EPB41L1: variants seen among roughly 807,000 people sequenced by gnomAD.
EPB41L1 encodes the protein band 4.1-like protein 1.
A neutral mutation model predicts 97.8 loss-of-function variants in EPB41L1; 29 were observed. That is an observed-to-expected ratio of 0.30 (90% CI 0.22 to 0.40). The LOEUF (loss-of-function observed/expected upper bound fraction) is 0.40. EPB41L1 is among the 10% of genes least tolerant of loss of function. EPB41L1 has a pLI of 1.00. For missense variants in EPB41L1, 812 were observed against 1,162.3 expected, an observed-to-expected ratio of 0.70 and a Z score of 4.38; for synonymous variants, 383 against 459.2, an observed-to-expected ratio of 0.83 and a Z score of 2.12.
rs563718474 is a variant in EPB41L1 at position 36,185,808 on chromosome 20, G to A, written c.785+473G>A. 7.9e-5 allele frequency among the ~76,000 whole-genome samples: 12 copies of A among 152,254 alleles called. No individual in the cohort carries two copies. The South Asian group carries it at 2.3e-3, about 29-fold the overall frequency. On this transcript the variant is annotated intron_variant, in intron 7 of 21. Coordinates refer to ENST00000338074, the MANE Select transcript of EPB41L1 (RefSeq NM_012156.2). ...TTGGTTTCCTCATCTGTTCAAGGTGGATGCTGTTAAACCCACCCTGTAGGA... is the reference window on the plus strand; with the variant it reads ...TTGGTTTCCTCATCTGTTCAAGGTGAATGCTGTTAAACCCACCCTGTAGGA...
At chr20:36,138,007 T>G (rs554310326) in intron 2 of EPB41L1, among the ~76,000 whole-genome samples, 13 of 152,380 alleles carry the variant, frequency 8.5e-5, no homozygotes, top group Middle Eastern at 3.4e-3. Flanking sequence ...CTTAGTATAA[T>G]GTCCTCAAGT....
intron 1 of EPB41L1, among the ~76,000 whole-genome samples, chr20:36,107,808 G>A (rs1228715652): frequency 1.3e-5 from 2 of 150,804 alleles, no homozygotes; most frequent in African/African-American, 2.5e-5. Flanking sequence ...TAGCCTGGGC[G>A]ACAGAGTGAG....
intron 21 of EPB41L1, among the ~76,000 whole-genome samples, chr20:36,228,171 T>C (rs2064289712): frequency 6.6e-6 from 1 of 152,140 alleles, no homozygotes; most frequent in African/African-American, 2.4e-5. Context: ...TGGTTTTGAG[T>C]AGTTGCTATG....
At chr20:36,158,832 C>T (rs1385916391) in intron 1 of EPB41L1, among the ~76,000 whole-genome samples, 1 of 152,222 alleles carries the variant, frequency 6.6e-6, no homozygotes, top group Non-Finnish European at 1.5e-5. Flanking sequence ...CATTACTTCT[C>T]TCCCGCTTCT....
chr20:36,211,608 C>A (rs752614522), intron 15 of EPB41L1, among the ~76,000 whole-genome samples: 52 of 151,926 alleles, frequency 3.4e-4, no homozygotes, highest in Non-Finnish European at 6.9e-4. Flanking sequence ...AATCCCAGCA[C>A]TTTGGGAGGC....
At chr20:36,140,264 T>G (rs1337415971) in intron 2 of EPB41L1, among the ~76,000 whole-genome samples, 1 of 146,576 alleles carries the variant, frequency 6.8e-6, no homozygotes, top group African/African-American at 2.5e-5. Context: ...AGGGATGAGG[T>G]TTCGCCATGT....
chr20:36,123,112 G>T (rs2058813750), intron 2 of EPB41L1, among the ~76,000 whole-genome samples: 1 of 151,870 alleles, frequency 6.6e-6, no homozygotes, highest in Non-Finnish European at 1.5e-5. Context: ...CCCCTCCCAT[G>T]CTCCACTTAC....
upstream of EPB41L1, among the ~76,000 whole-genome samples, chr20:36,153,475 T>C (rs1168758602): frequency 6.6e-6 from 1 of 152,050 alleles, no homozygotes; most frequent in Non-Finnish European, 1.5e-5. Flanking sequence ...CAGCACATGG[T>C]AGGTACTTAG....
chr20:36,154,607 C>A (rs1449902759), upstream of EPB41L1: 9 of 848,422 alleles, frequency 1.1e-5, no homozygotes, highest in Non-Finnish European at 9.8e-6. This position sits in a 1 kb window ranked among gnomAD's most constrained non-coding sequence, Gnocchi z 5.5. Context: ...AAGCGGCGGC[C>A]GCCCCTGGGC....
intron 5 of EPB41L1, among the ~76,000 whole-genome samples, chr20:36,178,998 C>T (rs2061367419): frequency 1.3e-5 from 2 of 151,460 alleles, no homozygotes; most frequent in African/African-American, 4.9e-5. Flanking sequence ...TCTCTTGGAC[C>T]TGGGAGGCAG....
chr20:36,124,112 G>A lies in EPB41L1; in HGVS notation c.-10+11632G>A, dbSNP rs987623538. 8.8e-4 allele frequency among the ~76,000 whole-genome samples: 134 copies of A among 152,012 alleles called. 2 individuals carry two copies. Among genetic ancestry groups the A allele is most frequent in the Non-Finnish European group, 3.1e-4 (21 of 67,988 alleles). ...AAATACAAAAAAAAAGAAATTAGCC[G>A]GGTGTGGTGGTGGGCGCCTGTAGTC... On this transcript the variant is annotated intron_variant, in intron 2 of 19. Transcript: ENST00000202028.
intron 1 of EPB41L1, among the ~76,000 whole-genome samples, chr20:36,164,956 G>C (rs1266565964): frequency 1.3e-5 from 2 of 152,066 alleles, no homozygotes; most frequent in African/African-American, 4.8e-5. Flanking sequence ...AAAATGCTGG[G>C]ATTACAGGTG....
intron 2 of EPB41L1, among the ~76,000 whole-genome samples, chr20:36,128,165 T>G (rs2059047769): frequency 6.6e-6 from 1 of 152,110 alleles, no homozygotes; most frequent in Non-Finnish European, 1.5e-5. Context: ...GGAGGGTGGC[T>G]CAGTTGCAGT....
intron 1 of EPB41L1, among the ~76,000 whole-genome samples, chr20:36,100,186 T>C (rs1038840848): frequency 2.6e-5 from 4 of 152,244 alleles, no homozygotes; most frequent in African/African-American, 9.6e-5. Flanking sequence ...GGGCTTATAC[T>C]GTCCTGGTAG....
intron 1 of EPB41L1, among the ~76,000 whole-genome samples, chr20:36,097,338 T>A (rs1037129605): frequency 5.3e-5 from 8 of 152,210 alleles, no homozygotes; most frequent in Non-Finnish European, 1.5e-5. Flanking sequence ...TGATTCCATT[T>A]CCTCATTTCC....
chr20:36,202,036 C>T (rs2062524780), intron 14 of EPB41L1, among the ~76,000 whole-genome samples: 2 of 152,178 alleles, frequency 1.3e-5, no homozygotes, highest in Non-Finnish European at 2.9e-5. Flanking sequence ...TTTCCTCAAT[C>T]TAAAGAACAA....
At chr20:36,211,925 T>C (rs1401562144) in intron 15 of EPB41L1, among the ~76,000 whole-genome samples, 1 of 152,160 alleles carries the variant, frequency 6.6e-6, no homozygotes, top group African/African-American at 2.4e-5. Flanking sequence ...GGTGACATTA[T>C]GTACACAAGG....
intron 1 of EPB41L1, among the ~76,000 whole-genome samples, chr20:36,161,050 T>C (rs1407874685): frequency 6.6e-6 from 1 of 152,208 alleles, no homozygotes; most frequent in Non-Finnish European, 1.5e-5. Context: ...AGAGTTGCCC[T>C]CAAAGGTCTG....
intron 12 of EPB41L1, among the ~76,000 whole-genome samples, chr20:36,194,689 ACT>A (rs753328923): frequency 6.6e-6 from 1 of 151,628 alleles, no homozygotes; most frequent in Non-Finnish European, 1.5e-5. Context: ...GATCTGCACC[ACT>A]CTCTTCCTCC....
Sources: allele counts gnomAD v4.1 joint callset (sites outside exome capture counted in the v4.1 genomes callset), GRCh38; gene constraint gnomAD v4.1.1; non-coding constraint Gnocchi (gnomAD v3.1); transcripts MANE v1.5; gene names NCBI Gene and HGNC (gene_info 2026-07-23, HGNC 2026-07-21).